The following ATAD3A variants were observed in gnomAD, a reference collection of about 807,000 sequenced individuals.
ATAD3A encodes ATPase family AAA domain-containing protein 3A.
In ATAD3A, 46 loss-of-function variants were observed where a neutral mutation model predicts 73.8. That is an observed-to-expected ratio of 0.62 (90% CI 0.49 to 0.80). The LOEUF is 0.80. ATAD3A is among the 30% of genes least tolerant of loss of function. ATAD3A has a pLI of 0.00. For missense variants in ATAD3A, 705 were observed against 838.0 expected (o/e 0.84, Z 1.96); for synonymous variants, 319 against 350.0 (o/e 0.91, Z 0.99).
intron 13 of ATAD3A, 74 bp downstream of exon 13, chr1:1,526,605 C>A (rs1309595406): frequency 5.6e-6 from 9 of 1,605,048 alleles, no homozygotes; most frequent in Non-Finnish European, 7.6e-6. Flanking sequence ...CACCGAGGGA[C>A]CTGAGGGGCC....
chr1:1,527,956 T>A, intron 14 of ATAD3A, 94 bp downstream of exon 14: 2 of 1,189,330 alleles, frequency 1.7e-6, no homozygotes, highest in Non-Finnish European at 2.3e-6. Context: ...CCTTTAACAT[T>A]CCTTTTTTTT....
At chr1:1,525,855 A>G (rs1051607798) in intron 12 of ATAD3A, among the ~76,000 whole-genome samples, 1 of 151,990 alleles carries the variant, frequency 6.6e-6, no homozygotes, top group African/African-American at 2.4e-5. Flanking sequence ...GCAGGGGCAC[A>G]GTGGAATACC....
chr1:1,527,920 A>T, intron 14 of ATAD3A, 58 bp downstream of exon 14: 1 of 1,515,102 alleles, frequency 6.6e-7, no homozygotes, highest in South Asian at 1.2e-5. Flanking sequence ...GTCCACCCCG[A>T]CCCACAGTCC....
At position 1,524,332 on chromosome 1, in the gene ATAD3A, C is replaced by G. The variant is rs1008111491; in HGVS notation, c.1149C>G (p.Pro383=). The G allele has an allele frequency of 6.2e-7, 1 of 1,612,820 alleles. No homozygotes were observed. The highest frequency in any genetic ancestry group is 1.3e-5 in the African/African-American group (1 of 74,754). Residue 383 remains proline (P), a synonymous_variant, in exon 11 of 16, where the codon CCC becomes CCG. Coordinates refer to ENST00000378756, the MANE Select transcript of ATAD3A (RefSeq NM_001170535.3). The part of the protein sequence containing the change: ...YAIMTGGDVA[P]MGREGVTAMH... ...TCATGACAGGCGGGGACGTGGCCCC[C>G]ATGGGGCGGGAAGGCGTGACCGCCA...
chr1:1,523,294 A>T lies in ATAD3A; in HGVS notation c.907-217A>T, dbSNP rs879082123. ...TCCACAGGTCACTGGGTAGGTGGTTAAGAAAATAAAAGCCAATAAGGAACC... is the reference window on the plus strand; with the variant it reads ...TCCACAGGTCACTGGGTAGGTGGTTTAGAAAATAAAAGCCAATAAGGAACC... On this transcript the variant is annotated intron_variant, in intron 8 of 15. Coordinates refer to ENST00000378756, the MANE Select transcript of ATAD3A (RefSeq NM_001170535.3). The surrounding 1 kb of genome is among the most constrained non-coding windows in gnomAD (Gnocchi z 5.1). Among the ~76,000 whole-genome samples the T allele has an allele frequency of 2.0e-5, 3 of 152,256 alleles. No homozygotes were observed. The South Asian group carries it at 6.2e-4, about 32-fold the overall frequency.
chr1:1,522,576 G>A (rs577346301), intron 7 of ATAD3A, among the ~76,000 whole-genome samples, 168 bp from the exon 8 acceptor site: 3 of 152,320 alleles, frequency 2.0e-5, no homozygotes, highest in East Asian at 1.9e-4. Context: ...TCCTGTAACC[G>A]CGTGGCTGTG....
At position 1,524,309 on chromosome 1, in the gene ATAD3A, A is replaced by T; in HGVS notation, c.1126A>T (p.Met376Leu). The change falls in exon 11 of 16, where the codon ATG becomes TTG. Residue 376 changes from methionine (M) to leucine (L), a missense_variant. Physicochemically the swap from Met to Leu is conservative, Grantham distance 15. Around this residue, in one of 5 missense-constraint regions of ATAD3A, gnomAD observed 315 missense variants for 334.1 expected, o/e 0.94. Transcript: ENST00000378756. ...GCACTCAGGCATGGACTACGCCATC[A>T]TGACAGGCGGGGACGTGGCCCCCAT... ...ALHSGMDYAIMTGGDVAPMGR... is the reference protein window; with the variant it reads ...ALHSGMDYAILTGGDVAPMGR... 1 of 1,613,690 alleles carries T rather than the reference A, an allele frequency of 6.2e-7. No individual in the cohort carries two copies.
intron 14 of ATAD3A, 96 bp downstream of exon 14, chr1:1,527,958 CTTTTTTT>C (rs376072450): frequency 3.3e-5 from 32 of 981,252 alleles, no homozygotes; most frequent in Non-Finnish European, 3.8e-5. Flanking sequence ...TTTAACATTC[CTTTTTTT>C]TTTTTTTTTT....
intron 1 of ATAD3A, among the ~76,000 whole-genome samples, chr1:1,513,848 C>G (rs1641274335): frequency 6.6e-6 from 1 of 152,152 alleles, no homozygotes. Context: ...GTCCTTGCTG[C>G]TCTCCAGGCA....
Position 1,516,012 on chromosome 1 carries a change from G to T in ATAD3A, c.206G>T (p.Arg69Leu), listed in dbSNP as rs759743185. ...AKAARELEHS[R>L]YAKDALNLAQ... ...GCCCTCCGTGTCCTTGCGTCTGCAGGTTATGCCAAGGACGCCCTGAATCTG... is the reference window on the plus strand; with the variant it reads ...GCCCTCCGTGTCCTTGCGTCTGCAGTTTATGCCAAGGACGCCCTGAATCTG... Residue 69 changes from arginine to leucine, a missense_variant and splice_region_variant, in exon 2 of 16, where the codon CGT (arginine) becomes CTT (leucine). Physicochemically the swap from Arg to Leu is moderately radical, Grantham distance 102 (BLOSUM62 -2). Coordinates refer to ENST00000378756, the MANE Select transcript of ATAD3A (RefSeq NM_001170535.3). 6.2e-7 allele frequency: 1 copy of T among 1,614,034 alleles called. No individual in the cohort carries two copies. The highest frequency in any genetic ancestry group is 1.1e-5 in the South Asian group (1 of 91,084).
At position 1,518,945 on chromosome 1, in the gene ATAD3A, C is replaced by G; in HGVS notation, c.469C>G (p.Arg157Gly). 1.2e-6 allele frequency: 2 copies of G among 1,614,134 alleles called. No homozygotes were observed. Among genetic ancestry groups the G allele is most frequent in the Non-Finnish European group, 1.7e-6 (2 of 1,179,970 alleles). Reference protein sequence around the residue: ...QQQLLNEENLRKQEESVQKQE... With the variant: ...QQQLLNEENLGKQEESVQKQE... ...GCAACTTCTCAATGAGGAGAATTTA[C>G]GGAAGCAGGAGGAGTCCGTGCAGAA... Residue 157 changes from arginine to glycine, a missense_variant, in exon 5 of 16, where the codon CGG becomes GGG. Physicochemically the swap from Arg to Gly is moderately radical, Grantham distance 125. Transcript: ENST00000378756.
Position 1,529,498 on chromosome 1 carries a change from C to T in ATAD3A, c.1614+167C>T, listed in dbSNP as rs142829830. Among the ~76,000 whole-genome samples, 197 of 152,346 alleles carry T rather than the reference C, an allele frequency of 1.3e-3. 1 individual carries two copies. Among genetic ancestry groups the T allele is most frequent in the African/African-American group, 4.6e-3 (193 of 41,582 alleles). ...CCCCTGCCCCAGTCAGGCCACTCCA[C>T]GAGGCATCGCGCACCTGCTCGTGCC... On this transcript the variant is annotated intron_variant, in intron 15 of 15. Transcript: ENST00000378756.
rs181292746 is a variant in ATAD3A at position 1,517,974 on chromosome 1, C to T, written c.444+199C>T. Among the ~76,000 whole-genome samples, 490 of 152,018 alleles carry T rather than the reference C, an allele frequency of 3.2e-3. 3 individuals are homozygous for T. Among genetic ancestry groups the T allele is most frequent in the Non-Finnish European group, 5.4e-3 (365 of 67,912 alleles). On this transcript the variant is annotated intron_variant, in intron 4 of 15. Transcript: ENST00000378756. ...ACATGCAGACGTGTGCACACATGTA[C>T]ATGGAGACACAGGCACCTACCCACA...
rs1339148061 is a variant in ATAD3A at position 1,513,863 on chromosome 1, G to A, written c.205+1390G>A. Among the ~76,000 whole-genome samples the A allele has an allele frequency of 2.6e-5, 4 of 152,238 alleles. No individual in the cohort carries two copies. The East Asian group carries it at 7.7e-4, about 29-fold the overall frequency. On this transcript the variant is annotated intron_variant, in intron 1 of 15. Transcript: ENST00000378756. ...GTCCTTGCTGCTCTCCAGGCAAACG[G>A]GCGGCTCCTCCTCACCGACTGCCTC...
At chr1:1,519,230 CTT>C (rs1320908153) in intron 5 of ATAD3A, among the ~76,000 whole-genome samples, 2 of 132,362 alleles carry the variant, frequency 1.5e-5, no homozygotes, top group African/African-American at 2.8e-5. Context: ...GTACAGGGGC[CTT>C]TTTTTTTTTT....
chr1:1,517,659 C>A (rs1557458854), intron 3 of ATAD3A, 57 bp from the exon 4 acceptor site: 1 of 1,001,836 alleles, frequency 1.0e-6, no homozygotes, highest in Non-Finnish European at 1.5e-6. Context: ...TCCGCCCAGT[C>A]GGCCCAGACT....
chr1:1,525,927 C>G (rs116279124), intron 12 of ATAD3A, among the ~76,000 whole-genome samples: 1 of 152,116 alleles, frequency 6.6e-6, no homozygotes, highest in Non-Finnish European at 1.5e-5. Context: ...AGACTGGGCT[C>G]AAACTTCTGA....
chr1:1,528,690 C>G (rs374223864), intron 14 of ATAD3A, among the ~76,000 whole-genome samples: 2 of 152,376 alleles, frequency 1.3e-5, no homozygotes, highest in African/African-American at 4.8e-5. Flanking sequence ...TGGCGTCCCC[C>G]GGGCCCCGGT....
chr1:1,521,518 G>A (rs9439441), intron 7 of ATAD3A, among the ~76,000 whole-genome samples: 35,244 of 152,034 alleles, frequency 0.23, 8,517 homozygotes, highest in African/African-American at 0.59. Context: ...CCCAGCACAC[G>A]GTAGGTGCCC....
Sources: allele counts gnomAD v4.1 joint callset (sites outside exome capture counted in the v4.1 genomes callset), GRCh38; gene constraint gnomAD v4.1.1; regional missense constraint gnomAD v4.1.1; non-coding constraint Gnocchi (gnomAD v3.1); transcripts MANE v1.5; gene names NCBI Gene and HGNC (gene_info 2026-07-23, HGNC 2026-07-21).